The following CFH variants were observed in gnomAD, a reference collection of about 807,000 sequenced individuals.
CFH encodes H factor 1 (complement).
A neutral mutation model predicts 147.3 loss-of-function variants in CFH; 53 were observed. That is an observed-to-expected ratio of 0.36 (90% CI 0.29 to 0.45). The LOEUF is 0.45. CFH is among the 20% of genes least tolerant of loss of function. The probability of loss-of-function intolerance (pLI) is 1.00; values close to 1 mark genes in which losing one functional copy is unlikely to be tolerated. For missense variants in CFH, 1,380 were observed against 1,498.0 expected (o/e 0.92, Z 1.30); for synonymous variants, 536 against 489.4 (o/e 1.10, Z -1.26).
intron 7 of CFH, among the ~76,000 whole-genome samples, 186 bp from the exon 8 acceptor site, chr1:196,689,234 A>T (rs1379750529): frequency 1.3e-5 from 2 of 152,120 alleles, no homozygotes; most frequent in Non-Finnish European, 2.9e-5. Flanking sequence ...ATCTTCATTA[A>T]CAAAGACCTT....
intron 9 of CFH, chr1:196,700,975 G>A (rs1389551819): frequency 1.9e-5 from 9 of 482,734 alleles, no homozygotes; most frequent in African/African-American, 8.4e-5. Context: ...AGGTCTTGTG[G>A]CCTCTTTGAG....
At chr1:196,732,836 T>C (rs972875332) in intron 15 of CFH, among the ~76,000 whole-genome samples, 10 of 152,044 alleles carry the variant, frequency 6.6e-5, no homozygotes, top group African/African-American at 2.4e-4. Context: ...ATAGTGAAAG[T>C]GAATGTGCGT....
intron 20 of CFH, among the ~76,000 whole-genome samples, chr1:196,744,835 T>A (rs1195503378): frequency 1.3e-5 from 2 of 152,158 alleles, no homozygotes; most frequent in South Asian, 2.1e-4. Context: ...TCTGTTTTAT[T>A]TTAATTTGAA....
chr1:196,746,146 A>G, intron 21 of CFH, 147 bp downstream of exon 21: 1 of 1,492,428 alleles, frequency 6.7e-7, no homozygotes, highest in Non-Finnish European at 9.2e-7. Context: ...AGTAAAGTTT[A>G]GAAATTTTTC....
intron 14 of CFH, among the ~76,000 whole-genome samples, chr1:196,727,502 A>G (rs940466950): frequency 6.6e-6 from 1 of 152,116 alleles, no homozygotes; most frequent in Non-Finnish European, 1.5e-5. Context: ...TTCTTTAAAA[A>G]ACAAAAATAT....
rs1477686508 is a variant in CFH at position 196,745,850 on chromosome 1, T to C, written c.3344T>C (p.Ile1115Thr). The C allele has an allele frequency of 1.2e-6, 2 of 1,614,130 alleles. No homozygotes were observed. The highest frequency in any genetic ancestry group is 1.7e-6 in the Non-Finnish European group (2 of 1,180,020). ...GGAAAATGTGGGCCCCCTCCACCTA[T>C]TGACAATGGGGACATTACTTCATTC... ...STGKCGPPPP[I>T]DNGDITSFPL... Residue 1115 changes from isoleucine to threonine, a missense_variant, in exon 21 of 22, where the codon ATT (isoleucine) becomes ACT (threonine). Ile to Thr is a moderately conservative substitution (Grantham distance 89, BLOSUM62 -1). Transcript: ENST00000367429.
At chr1:196,677,716 A>G (rs1239129020) in intron 5 of CFH, 49 bp downstream of exon 5, 1 of 1,481,830 alleles carries the variant, frequency 6.7e-7, no homozygotes, top group Admixed American at 1.7e-5. Flanking sequence ...AAATGTAAAT[A>G]TACATTTAAA....
chr1:196,725,500 T>C (rs1363164036), intron 12 of CFH, among the ~76,000 whole-genome samples: 1 of 152,214 alleles, frequency 6.6e-6, no homozygotes, highest in Admixed American at 6.5e-5. Flanking sequence ...AACGATGTGC[T>C]GGAAGTATTC....
At chr1:196,662,905 CA>C (rs1251882086) in intron 1 of CFH, among the ~76,000 whole-genome samples, 2 of 151,900 alleles carry the variant, frequency 1.3e-5, no homozygotes, top group African/African-American at 4.8e-5. Flanking sequence ...TTTTATGAAT[CA>C]AAACTTTATT....
chr1:196,672,083 C>T (rs1019500736), intron 1 of CFH, among the ~76,000 whole-genome samples: 17 of 151,896 alleles, frequency 1.1e-4, no homozygotes, highest in Non-Finnish European at 2.2e-4. Flanking sequence ...TCAGTCTTCC[C>T]GTATGAAGCT....
intron 18 of CFH, chr1:196,741,456 C>T (rs1290903255): frequency 8.7e-6 from 2 of 229,624 alleles, no homozygotes; most frequent in South Asian, 5.6e-5. Context: ...CACTCACCAT[C>T]GTGAGAACAG....
At chr1:196,733,092 G>T (rs1270715343) in intron 15 of CFH, among the ~76,000 whole-genome samples, 1 of 151,992 alleles carries the variant, frequency 6.6e-6, no homozygotes, top group African/African-American at 2.4e-5. Flanking sequence ...GATGACCTTT[G>T]AATGCATGGC....
At chr1:196,668,951 C>G (rs1450635762) in intron 1 of CFH, among the ~76,000 whole-genome samples, 1 of 152,072 alleles carries the variant, frequency 6.6e-6, no homozygotes, top group Non-Finnish European at 1.5e-5. Context: ...TTGGAGGTCT[C>G]AAAAGAAGAC....
intron 3 of CFH, 141 bp from the exon 4 acceptor site, chr1:196,675,848 A>C: frequency 1.8e-6 from 1 of 549,282 alleles, no homozygotes; most frequent in Non-Finnish European, 3.3e-6. Context: ...AGGAAAAACA[A>C]ACAAGAAACA....
At chr1:196,703,050 T>C (rs1668500761) in intron 9 of CFH, among the ~76,000 whole-genome samples, 1 of 152,234 alleles carries the variant, frequency 6.6e-6, no homozygotes, top group Non-Finnish European at 1.5e-5. Context: ...GCTGAGGCAT[T>C]GGACATGTTT....
At chr1:196,701,798 C>A (rs904979513) in intron 9 of CFH, among the ~76,000 whole-genome samples, 3 of 152,060 alleles carry the variant, frequency 2.0e-5, no homozygotes, top group African/African-American at 7.2e-5. Context: ...CACAATGCAA[C>A]CCTGATGGGC....
chr1:196,723,493 A>G (rs1053306145), intron 11 of CFH, among the ~76,000 whole-genome samples: 1 of 152,166 alleles, frequency 6.6e-6, no homozygotes, highest in Non-Finnish European at 1.5e-5. Context: ...CCCTAGTGTC[A>G]GCATTTTGCA....
At chr1:196,652,925 A>T (rs1666552954) in intron 1 of CFH, among the ~76,000 whole-genome samples, 1 of 151,876 alleles carries the variant, frequency 6.6e-6, no homozygotes, top group African/African-American at 2.4e-5. Flanking sequence ...TAAAAAGCTT[A>T]TTCTTGGAGG....
At chr1:196,701,260 T>A in intron 9 of CFH, 3 of 1,612,114 alleles carry the variant, frequency 1.9e-6, no homozygotes, top group Non-Finnish European at 2.5e-6. Context: ...AAGGAGTTGC[T>A]AGTGGAATCT....
Sources: allele counts gnomAD v4.1 joint callset (sites outside exome capture counted in the v4.1 genomes callset), GRCh38; gene constraint gnomAD v4.1.1; transcripts MANE v1.5; gene names NCBI Gene and HGNC (gene_info 2026-07-23, HGNC 2026-07-21).